The following UBE2W variants were observed in gnomAD, a reference collection of about 807,000 sequenced individuals.
UBE2W encodes the protein ubiquitin conjugating enzyme E2 W.
A neutral mutation model predicts 27.2 loss-of-function variants in UBE2W; 18 were observed. The observed-to-expected ratio is 0.66, with a 90% CI of 0.46 to 0.98. UBE2W has a LOEUF of 0.98. Ranked by LOEUF, UBE2W falls within the 50% of genes least tolerant of loss-of-function variation. The probability of loss-of-function intolerance (pLI) is 0.00; values close to 1 mark genes in which losing one functional copy is unlikely to be tolerated. For missense variants in UBE2W, 90 were observed against 180.2 expected, an observed-to-expected ratio of 0.50 and a Z score of 2.87; for synonymous variants, 53 against 57.2, an observed-to-expected ratio of 0.93 and a Z score of 0.33.
intron 1 of UBE2W, among the ~76,000 whole-genome samples, chr8:73,876,621 G>A (rs979019576): frequency 2.0e-5 from 3 of 152,138 alleles, no homozygotes; most frequent in East Asian, 3.9e-4. Context: ...AATACTTAGG[G>A]CACAGAAAAA....
At position 73,790,679 on chromosome 8, in the gene UBE2W, T is replaced by C; in HGVS notation, c.*3423A>G. 1 of 981,824 alleles carries C rather than the reference T, an allele frequency of 1.0e-6. No homozygotes were observed. Among genetic ancestry groups the C allele is most frequent in the Non-Finnish European group, 1.2e-6 (1 of 826,670 alleles). The allele number at this position is 981,824 out of a possible 1,614,324, so 60.8% of individuals were successfully genotyped here. On this transcript the variant is annotated 3_prime_UTR_variant, in exon 6 of 6. Coordinates refer to ENST00000602593, the MANE Select transcript of UBE2W (RefSeq NM_018299.6). ...ACAGTACCTCCTCTTCTCTTCTATT[T>C]TTAGGAAGAAGTTATAACAAGTTTT...
chr8:73,808,240 C>CT (rs374505663), intron 4 of UBE2W, among the ~76,000 whole-genome samples: 182 of 151,538 alleles, frequency 1.2e-3, no homozygotes, highest in African/African-American at 4.0e-3. Flanking sequence ...AAATACTTTT[C>CT]TTTTTTCTTT....
intron 3 of UBE2W, among the ~76,000 whole-genome samples, chr8:73,816,489 T>C (rs1809390742): frequency 6.6e-6 from 1 of 152,104 alleles, no homozygotes; most frequent in African/African-American, 2.4e-5. Flanking sequence ...AGAATGAATT[T>C]TGAGCAACAG....
downstream of UBE2W, chr8:73,786,125 G>T: frequency 1.3e-6 from 1 of 745,258 alleles, no homozygotes; most frequent in Non-Finnish European, 1.6e-6. Context: ...TATGGTTCCT[G>T]AGATGTATTT....
chr8:73,864,255 A>G (rs1216425688), intron 1 of UBE2W, among the ~76,000 whole-genome samples: 1 of 152,160 alleles, frequency 6.6e-6, no homozygotes, highest in East Asian at 1.9e-4. Flanking sequence ...TTAGCCAGGC[A>G]TGGTGGCACA....
At position 73,793,654 on chromosome 8, in the gene UBE2W, C is replaced by T; in HGVS notation, c.*448G>A. ...ATCCCTCACTTTATTTATATTCCCA[C>T]TATAACCAGTAAGTTCATTTCATAG... is the stretch of plus-strand genomic sequence containing the variant. On this transcript the variant is annotated 3_prime_UTR_variant, in exon 6 of 6. Transcript: ENST00000602593. The T allele has an allele frequency of 1.0e-6, 1 of 987,382 alleles. No individual in the cohort carries two copies. The highest frequency in any genetic ancestry group is 1.2e-6 in the Non-Finnish European group (1 of 831,094). 61.2% of individuals were successfully genotyped at this position (987,382 alleles called of 1,614,324 possible).
At chr8:73,830,747 A>C (rs1810034062) in intron 1 of UBE2W, among the ~76,000 whole-genome samples, 1 of 152,148 alleles carries the variant, frequency 6.6e-6, no homozygotes, top group Non-Finnish European at 1.5e-5. Context: ...CAGCTTCCCA[A>C]AGTGCTGAGA....
rs73338451 is a variant in UBE2W, at chr8:73,816,216, T to C, written c.211-5587A>G. ...ATTGTCTTGGATGGTAATCATTCTC[T>C]TCCCTTTATACTCTATGTTCTTTTA... On this transcript the variant is annotated intron_variant, in intron 3 of 5. Coordinates refer to ENST00000602593, the MANE Select transcript of UBE2W (RefSeq NM_018299.6). Among the ~76,000 whole-genome samples the C allele has an allele frequency of 5.2e-3, 795 of 152,332 alleles. 6 individuals are homozygous for C. The highest frequency in any genetic ancestry group is 0.017 in the African/African-American group (711 of 41,572).
chr8:73,793,926 G>A lies in UBE2W; in HGVS notation c.*176C>T, dbSNP rs1808305104. ...TAAAAGCATGTCAGTTGCCTGGACT[G>A]AACCAGCGATCAACATGCGCCCAGA... On this transcript the variant is annotated 3_prime_UTR_variant, in exon 6 of 6. Coordinates refer to ENST00000602593, the MANE Select transcript of UBE2W (RefSeq NM_018299.6). 6.9e-7 allele frequency: 1 copy of A among 1,443,572 alleles called. No individual in the cohort carries two copies. Among genetic ancestry groups the A allele is most frequent in the Non-Finnish European group, 9.1e-7 (1 of 1,096,420 alleles). 89.4% of individuals were successfully genotyped at this position (1,443,572 alleles called of 1,614,324 possible).
chr8:73,828,680 A>G (rs1809950467), intron 2 of UBE2W, among the ~76,000 whole-genome samples: 1 of 152,214 alleles, frequency 6.6e-6, no homozygotes, highest in Admixed American at 6.5e-5. Flanking sequence ...TTTGGGGCAC[A>G]TGAGATATTT....
At chr8:73,828,175 A>T (rs1435353755) in intron 2 of UBE2W, among the ~76,000 whole-genome samples, 2 of 151,924 alleles carry the variant, frequency 1.3e-5, no homozygotes, top group Admixed American at 1.3e-4. Flanking sequence ...AGTACCTAGT[A>T]CTCTGTAATT....
Position 73,789,238 on chromosome 8 carries a change from A to T in UBE2W, c.*4864T>A. On this transcript the variant is annotated 3_prime_UTR_variant, in exon 6 of 6. Transcript: ENST00000602593. ...GTAATCCCAGCATTTTGGGAGGCTG[A>T]GGCAGGAGGAATGCTTGAGCCCAGG... The T allele has an allele frequency of 2.1e-6, 2 of 947,594 alleles. No individual in the cohort carries two copies. Among genetic ancestry groups the T allele is most frequent in the Non-Finnish European group, 2.5e-6 (2 of 807,688 alleles). The allele number at this position is 947,594 out of a possible 1,614,324, so 58.7% of individuals were successfully genotyped here.
Position 73,822,602 on chromosome 8 carries a change from C to CAAAAAAAAAAAAA in UBE2W, c.210+2532_210+2544dup. On this transcript the variant is annotated intron_variant, in intron 3 of 5. Transcript: ENST00000602593. ...TTCACTCTATTAAATCTTGCAACTG[C>CAAAAAAAAAAAAA]AAAAAAAAAAAAAAAAAAAAAAAAA... 2.5e-4 allele frequency among the ~76,000 whole-genome samples: 13 copies of CAAAAAAAAAAAAA among 51,224 alleles called. 1 individual carries two copies. Among genetic ancestry groups the CAAAAAAAAAAAAA allele is most frequent in the Non-Finnish European group, 4.7e-4 (13 of 27,642 alleles). The allele number at this position is 51,224 out of a possible 152,430, so 33.6% of individuals were successfully genotyped here.
At chr8:73,870,359 T>C in intron 1 of UBE2W, 1 of 1,511,026 alleles carries the variant, frequency 6.6e-7, no homozygotes. Flanking sequence ...ATCTATTTTT[T>C]CCATTGATAG....
intron 1 of UBE2W, among the ~76,000 whole-genome samples, chr8:73,878,064 A>G (rs1245092589): frequency 2.0e-5 from 3 of 152,162 alleles, no homozygotes; most frequent in African/African-American, 7.2e-5. Context: ...GGGAAACAAA[A>G]TAGAAGGCAA....
At chr8:73,852,287 T>G (rs1811115003) in intron 1 of UBE2W, among the ~76,000 whole-genome samples, 1 of 152,162 alleles carries the variant, frequency 6.6e-6, no homozygotes, top group Admixed American at 6.5e-5. Context: ...ATCCAATGTA[T>G]GTACATGTAC....
At chr8:73,870,264 C>G (rs1811949050) in intron 1 of UBE2W, 1 of 1,586,324 alleles carries the variant, frequency 6.3e-7, no homozygotes. Context: ...AAAACACACA[C>G]TTACTGGAAA....
chr8:73,833,630 T>C (rs1810184849), intron 1 of UBE2W: 2 of 151,616 alleles, frequency 1.3e-5, no homozygotes, highest in South Asian at 2.1e-4. Context: ...GTGGACATAC[T>C]TTTTCAGTGT....
chr8:73,878,245 G>C (rs1347965248), intron 1 of UBE2W, among the ~76,000 whole-genome samples: 1 of 152,212 alleles, frequency 6.6e-6, no homozygotes, highest in Non-Finnish European at 1.5e-5. Flanking sequence ...ACAGGATTAA[G>C]AGTCAAAGGG....
Sources: gnomAD v4.1 joint callset for allele counts (sites outside exome capture counted in the v4.1 genomes callset) on GRCh38, gnomAD v4.1.1 for gene constraint, MANE v1.5 for transcripts, NCBI Gene and HGNC (gene_info 2026-07-23, HGNC 2026-07-21) for gene names.